The following TLDC2 variants were observed in gnomAD, a reference collection of about 807,000 sequenced individuals.
TLDC2 encodes the protein TLD domain-containing protein 2.
TLDC2 carries 23 observed loss-of-function variants against 27.9 expected under a neutral mutation model. That is an observed-to-expected ratio of 0.82 (90% CI 0.59 to 1.17). The LOEUF is 1.17. Ranked by LOEUF, TLDC2 falls within the 50% of genes most tolerant of loss-of-function variation. The pLI is 0.00. For synonymous variants in TLDC2, 124 were observed against 107.4 expected, an observed-to-expected ratio of 1.16 and a Z score of -0.96; for missense variants, 286 against 273.4, an observed-to-expected ratio of 1.05 and a Z score of -0.32.
chr20:36,886,569 G>A (rs1989925686), intron 4 of TLDC2, among the ~76,000 whole-genome samples: 1 of 152,144 alleles, frequency 6.6e-6, no homozygotes, highest in African/African-American at 2.4e-5. Context: ...CTCCAGCCTG[G>A]CAAAAGAGCG....
chr20:36,879,323 G>T, intron 3 of TLDC2, 130 bp downstream of exon 3: 1 of 1,238,938 alleles, frequency 8.1e-7, no homozygotes, highest in Non-Finnish European at 1.1e-6. Context: ...GGACACTGAT[G>T]ATGGCAATGA....
intron 4 of TLDC2, 89 bp from the exon 5 acceptor site, chr20:36,887,366 C>A: frequency 1.7e-6 from 2 of 1,200,382 alleles, no homozygotes; most frequent in Non-Finnish European, 2.5e-6. Flanking sequence ...GTTCCCGCCA[C>A]AACACTGCCA....
chr20:36,887,213 C>T (rs1989939284), intron 4 of TLDC2, among the ~76,000 whole-genome samples: 1 of 152,132 alleles, frequency 6.6e-6, no homozygotes, highest in Non-Finnish European at 1.5e-5. Flanking sequence ...GGTCGTTGTC[C>T]TATTCTAGAA....
intron 4 of TLDC2, among the ~76,000 whole-genome samples, chr20:36,881,550 C>T (rs572689021): frequency 3.3e-5 from 5 of 152,280 alleles, no homozygotes; most frequent in East Asian, 1.9e-4. Flanking sequence ...GAGGTTAGGA[C>T]GCCGCCACTT....
At chr20:36,877,372 C>T (rs537621829) in intron 1 of TLDC2, among the ~76,000 whole-genome samples, 2 of 144,406 alleles carry the variant, frequency 1.4e-5, no homozygotes, top group East Asian at 2.0e-4. Context: ...CAGAGCAAGA[C>T]CCTGTCTCAA....
At chr20:36,876,899 T>C (rs972079407) in intron 1 of TLDC2, among the ~76,000 whole-genome samples, 6 of 152,134 alleles carry the variant, frequency 3.9e-5, no homozygotes, top group African/African-American at 1.4e-4. Context: ...AACACAAATT[T>C]ACACTCAATA....
intron 3 of TLDC2, 59 bp downstream of exon 3, chr20:36,879,252 G>C: frequency 1.3e-6 from 2 of 1,559,692 alleles, no homozygotes; most frequent in Non-Finnish European, 1.7e-6. Flanking sequence ...GTACTCATGG[G>C]CCCTGTCCCA....
chr20:36,892,793 T>G (rs1990107860), intron 6 of TLDC2, 69 bp from the exon 7 acceptor site: 1 of 1,076,186 alleles, frequency 9.3e-7, no homozygotes, highest in African/African-American at 1.6e-5. Flanking sequence ...TGATTAAAAG[T>G]TACTTAGCTT....
intron 6 of TLDC2, 117 bp downstream of exon 6, chr20:36,889,520 T>C (rs1334337187): frequency 2.3e-6 from 3 of 1,302,688 alleles, no homozygotes; most frequent in South Asian, 1.6e-5. Flanking sequence ...GCCAGCCTCC[T>C]TGTGGCCTGG....
In TLDC2 at chr20:36,876,194, GTTACACTCGGCTGGTAAGGGTTC is replaced by G. The variant is rs1989662768; in HGVS notation, c.21_33+10del. ...AGGAGAATGAGAGGCCTCCGCTGGC[GTTACACTCGGCTGGTAAGGGTTC>G]CAACTCCGTCTGTGGTGCAGGTTGG... is the stretch of plus-strand genomic sequence containing the variant. On this transcript the variant is annotated splice_donor_variant and splice_donor_5th_base_variant and coding_sequence_variant and intron_variant, in exon 1 of 7. Coordinates refer to ENST00000217320, the MANE Select transcript of TLDC2 (RefSeq NM_080628.3). LOFTEE classifies it high-confidence loss of function. The G allele has an allele frequency of 6.2e-7, 1 of 1,614,042 alleles. No homozygotes were observed. Among genetic ancestry groups the G allele is most frequent in the African/African-American group, 1.3e-5 (1 of 74,934 alleles).
intron 3 of TLDC2, among the ~76,000 whole-genome samples, chr20:36,880,081 A>ATGTATATATATATGTGTGTG (rs1213067863): frequency 2.4e-5 from 1 of 42,028 alleles, no homozygotes; most frequent in East Asian, 4.8e-4. Context: ...ATATATATAT[A>ATGTATATATATATGTGTGTG]TATATATATA....
chr20:36,888,802 C>G (rs1392613003), intron 5 of TLDC2, among the ~76,000 whole-genome samples: 2 of 151,312 alleles, frequency 1.3e-5, no homozygotes, highest in African/African-American at 4.9e-5. Context: ...AGGCAGATCG[C>G]TTGAGGTCAG....
At chr20:36,885,374 TG>T (rs1989900342) in intron 4 of TLDC2, among the ~76,000 whole-genome samples, 1 of 152,244 alleles carries the variant, frequency 6.6e-6, no homozygotes, top group South Asian at 2.1e-4. Flanking sequence ...TCTATTGTTA[TG>T]GAATCTCATC....
intron 1 of TLDC2, 104 bp from the exon 2 acceptor site, chr20:36,877,795 G>T (rs1322371704): frequency 7.5e-7 from 1 of 1,336,380 alleles, no homozygotes. Context: ...AGGCACATGG[G>T]CAGGGAGTGA....
chr20:36,886,781 C>CGTAA (rs1989930658), intron 4 of TLDC2, among the ~76,000 whole-genome samples: 1 of 152,048 alleles, frequency 6.6e-6, no homozygotes, highest in African/African-American at 2.4e-5. Flanking sequence ...GCTGGGATTA[C>CGTAA]AGGCATGAGC....
Position 36,877,899 on chromosome 20 carries a change from C to T in TLDC2, c.34C>T (p.Pro12Ser), listed in dbSNP as rs558268702. 1.2e-6 allele frequency: 2 copies of T among 1,610,946 alleles called. No individual in the cohort carries two copies. Among genetic ancestry groups the T allele is most frequent in the Admixed American group, 3.4e-5 (2 of 59,644 alleles). ...ACCAGGCCACTTTGTGTTTTTGCAG[C>T]CCAGCCAGGTGGAGGACACCCTGTC... ...RGLRWRYTRL[P>S]SQVEDTLSGE... The change falls in exon 2 of 7, where the codon CCC becomes TCC. Residue 12 changes from proline to serine, a missense_variant and splice_region_variant. Transcript: ENST00000217320.
intron 4 of TLDC2, 54 bp downstream of exon 4, chr20:36,880,804 C>T (rs1989798794): frequency 2.6e-6 from 4 of 1,543,580 alleles, no homozygotes; most frequent in Non-Finnish European, 3.6e-6. Flanking sequence ...AGACAAAGCT[C>T]CCGGGGTCCC....
chr20:36,880,100 T>C (rs1237433325), intron 3 of TLDC2, among the ~76,000 whole-genome samples: 1 of 41,580 alleles, frequency 2.4e-5, no homozygotes, highest in Non-Finnish European at 6.9e-5. Context: ...TATATATATA[T>C]ACTTTTTTTT....
intron 5 of TLDC2, among the ~76,000 whole-genome samples, chr20:36,889,036 T>C (rs1234273589): frequency 2.6e-5 from 4 of 151,882 alleles, no homozygotes; most frequent in African/African-American, 9.7e-5. Context: ...AATAAATAAA[T>C]AAATAAATAA....
Sources: allele counts gnomAD v4.1 joint callset (sites outside exome capture counted in the v4.1 genomes callset), GRCh38; gene constraint gnomAD v4.1.1; transcripts MANE v1.5; gene names NCBI Gene and HGNC (gene_info 2026-07-23, HGNC 2026-07-21).